Variants in EYS observed in about 807,000 individuals in gnomAD.
The protein encoded by EYS is protein eyes shut homolog.
In EYS, 250 loss-of-function variants were observed where a neutral mutation model predicts 282.1. The observed-to-expected ratio is 0.89, with a 90% confidence interval of 0.80 to 0.98. EYS has a LOEUF of 0.98. Among genes scored for constraint, EYS ranks in the 50% least tolerant of loss-of-function variants. EYS has a pLI of 0.00. For missense variants in EYS, 4,016 were observed against 3,709.0 expected, an observed-to-expected ratio of 1.08 and a Z score of -2.15; for synonymous variants, 1,355 against 1,282.9, an observed-to-expected ratio of 1.06 and a Z score of -1.20.
intron 29 of EYS, among the ~76,000 whole-genome samples, chr6:64,356,549 T>C (rs1771828740): frequency 6.6e-6 from 1 of 151,650 alleles, no homozygotes; most frequent in African/African-American, 2.4e-5. Context: ...TCTAAATCAA[T>C]ATTCTTAGTC....
intron 12 of EYS, among the ~76,000 whole-genome samples, chr6:65,141,653 A>G (rs12214781): frequency 0.1 from 279 of 2,744 alleles, no homozygotes; most frequent in East Asian, 0.33. Flanking sequence ...CTGTCTGTCT[A>G]TCTATCTATC....
In EYS at chr6:65,505,037, G is replaced by A. The variant is rs1766604067; in HGVS notation, c.-332-9044C>T. ...AGAATTTACCAGTGAATTAATCTGA[G>A]GTGACTTCTTTTATGAAAGAGTATT... On this transcript the variant is annotated intron_variant, in intron 2 of 42. Coordinates refer to ENST00000503581, the MANE Select transcript of EYS (RefSeq NM_001142800.2). Among the ~76,000 whole-genome samples, 3 of 151,820 alleles carry A rather than the reference G, an allele frequency of 2.0e-5. No individual in the cohort carries two copies. In the East Asian group the frequency reaches 5.8e-4, roughly 29 times the overall value.
chr6:65,180,862 T>A (rs1289641452), intron 12 of EYS, among the ~76,000 whole-genome samples: 2 of 152,080 alleles, frequency 1.3e-5, no homozygotes, highest in East Asian at 3.9e-4. Context: ...AACAGAGATA[T>A]AGACCAATGG....
At chr6:65,282,089 T>TG (rs201980451) in intron 12 of EYS, among the ~76,000 whole-genome samples, 1 of 145,314 alleles carries the variant, frequency 6.9e-6, no homozygotes, top group Non-Finnish European at 1.5e-5. Flanking sequence ...TGAGTGGGGG[T>TG]GGGGGGTGAT....
intron 26 of EYS, among the ~76,000 whole-genome samples, chr6:64,548,970 G>T (rs1430994737): frequency 6.6e-6 from 1 of 152,146 alleles, no homozygotes; most frequent in South Asian, 2.1e-4. Context: ...CGTCTACAGT[G>T]CTCAGCCTTC....
intron 31 of EYS, among the ~76,000 whole-genome samples, chr6:64,118,757 A>G (rs1032718899): frequency 6.6e-6 from 1 of 151,948 alleles, no homozygotes; most frequent in African/African-American, 2.4e-5. Context: ...AATCTGTAGA[A>G]GGAGAGAAAA....
intron 28 of EYS, among the ~76,000 whole-genome samples, chr6:64,402,222 C>T (rs544858118): frequency 5.2e-4 from 79 of 152,182 alleles, no homozygotes; most frequent in African/African-American, 1.9e-3. Flanking sequence ...TTAAAGTGTG[C>T]CACTCATTTT....
intron 7 of EYS, among the ~76,000 whole-genome samples, chr6:65,394,203 T>G: frequency 6.6e-6 from 1 of 151,930 alleles, no homozygotes; most frequent in African/African-American, 2.4e-5. Flanking sequence ...TTGCATTCAG[T>G]AAAAATTAGT....
Position 65,117,967 on chromosome 6 carries a change from A to C in EYS, c.2024-60240T>G, listed in dbSNP as rs757816195. On this transcript the variant is annotated intron_variant, in intron 12 of 42. Coordinates refer to ENST00000503581, the MANE Select transcript of EYS (RefSeq NM_001142800.2). The stretch of plus-strand genomic sequence containing the variant: ...AAACAATGACATAAAAAGGAAGGCA[A>C]AACTTGAACCAGATACTTACAGACA... 5.9e-5 allele frequency among the ~76,000 whole-genome samples: 9 copies of C among 152,262 alleles called. No individual in the cohort carries two copies. The South Asian group carries it at 8.3e-4, about 14-fold the overall frequency.
At chr6:64,630,665 T>TGTTA (rs1767749808) in intron 22 of EYS, among the ~76,000 whole-genome samples, 2 of 152,190 alleles carry the variant, frequency 1.3e-5, no homozygotes, top group South Asian at 4.1e-4. Context: ...TTTCAGAGTG[T>TGTTA]GTTAATGCAG....
Position 64,684,271 on chromosome 6 carries a change from C to A in EYS, c.3444-58026G>T, listed in dbSNP as rs115241276. Reference sequence around the variant, plus strand: ...CTGAACAAATTACCATGAACAACAACAGAAATATAAAACCTGTCAGCTCAG... The same window carrying A: ...CTGAACAAATTACCATGAACAACAAAAGAAATATAAAACCTGTCAGCTCAG... On this transcript the variant is annotated intron_variant, in intron 22 of 42. Transcript: ENST00000503581. Among the ~76,000 whole-genome samples the A allele has an allele frequency of 5.5e-3, 830 of 152,096 alleles. 3 individuals are homozygous for A. The highest frequency in any genetic ancestry group is 9.2e-3 in the Non-Finnish European group (625 of 67,980).
intron 28 of EYS, among the ~76,000 whole-genome samples, chr6:64,394,637 G>A (rs1463534282): frequency 1.3e-5 from 2 of 151,592 alleles, no homozygotes; most frequent in East Asian, 3.9e-4. Flanking sequence ...AATTCAAGAT[G>A]GATTAAAGAC....
chr6:65,563,961 CACAA>C (rs1352435620), intron 2 of EYS, among the ~76,000 whole-genome samples: 1 of 152,094 alleles, frequency 6.6e-6, no homozygotes, highest in Non-Finnish European at 1.5e-5. Context: ...GTGCAAAAAT[CACAA>C]ACAATCTTAT....
intron 29 of EYS, among the ~76,000 whole-genome samples, chr6:64,363,552 A>G (rs1432982447): frequency 6.7e-6 from 1 of 148,168 alleles, no homozygotes; most frequent in Admixed American, 6.9e-5. Context: ...GGAAATAGTA[A>G]CAGATTCTGC....
At chr6:64,836,607 T>TA (rs936947538) in intron 19 of EYS, among the ~76,000 whole-genome samples, 9 of 151,452 alleles carry the variant, frequency 5.9e-5, no homozygotes, top group Non-Finnish European at 1.3e-4. Context: ...ATTTTTTTCA[T>TA]AAAAAAGATA....
chr6:65,354,629 A>C (rs1764409299), intron 8 of EYS, among the ~76,000 whole-genome samples: 1 of 152,106 alleles, frequency 6.6e-6, no homozygotes, highest in Non-Finnish European at 1.5e-5. Flanking sequence ...CAGCCTGGCT[A>C]ACAGGGTGAA....
At chr6:64,509,008 T>A (rs1251373351) in intron 26 of EYS, among the ~76,000 whole-genome samples, 1 of 152,084 alleles carries the variant, frequency 6.6e-6, no homozygotes, top group Non-Finnish European at 1.5e-5. Flanking sequence ...TTATTTCTCC[T>A]GTGTCTACTA....
At chr6:64,674,700 T>C (rs536197462) in intron 22 of EYS, among the ~76,000 whole-genome samples, 2 of 151,746 alleles carry the variant, frequency 1.3e-5, no homozygotes, top group East Asian at 1.9e-4. Context: ...TTTTCTTTTA[T>C]CTGTTATGCC....
At chr6:63,949,542 C>T (rs540334269) in intron 35 of EYS, among the ~76,000 whole-genome samples, 164 of 152,172 alleles carry the variant, frequency 1.1e-3, no homozygotes, top group Middle Eastern at 3.4e-3. Flanking sequence ...TTTCATTGCC[C>T]TTTTTATTCA....
Sources: gnomAD v4.1 joint callset for allele counts (sites outside exome capture counted in the v4.1 genomes callset) on GRCh38, gnomAD v4.1.1 for gene constraint, MANE v1.5 for transcripts, NCBI Gene and HGNC (gene_info 2026-07-23, HGNC 2026-07-21) for gene names.